LRRC37A2: variants seen among roughly 807,000 people sequenced by gnomAD.
LRRC37A2 encodes leucine-rich repeat-containing protein 37A2.
LRRC37A2 carries 9 observed loss-of-function variants against 68.8 expected under a neutral mutation model. That is an observed-to-expected ratio of 0.13 (90% CI 0.08 to 0.23). The LOEUF is 0.23. LRRC37A2 is among the 10% of genes least tolerant of loss of function. The pLI is 1.00. For synonymous variants in LRRC37A2, 63 were observed against 367.6 expected, an observed-to-expected ratio of 0.17 and a Z score of 9.48; for missense variants, 168 against 950.4, an observed-to-expected ratio of 0.18 and a Z score of 10.82.
the LRRC37A2 span, among the ~76,000 whole-genome samples, chr17:46,840,023 CTTTCTTTCT>C: frequency 1.9e-5 from 2 of 106,682 alleles, no homozygotes; most frequent in Non-Finnish European, 3.7e-5. Context: ...TTCTTTCTTT[CTTTCTTTCT>C]TTTCTTTCTT....
chr17:46,875,084 CT>C, the LRRC37A2 span: 1 of 1,613,438 alleles, frequency 6.2e-7, no homozygotes, highest in Non-Finnish European at 8.5e-7. Context: ...CCCTATGCCC[CT>C]GGGTGCCCGA....
At chr17:46,888,679 G>A in the LRRC37A2 span, among the ~76,000 whole-genome samples, 1 of 152,154 alleles carries the variant, frequency 6.6e-6, no homozygotes, top group African/African-American at 2.4e-5. Context: ...CTGTCTGGTT[G>A]CTCATCTTAT....
the LRRC37A2 span, among the ~76,000 whole-genome samples, chr17:46,960,955 C>A: frequency 1.3e-5 from 2 of 151,632 alleles, no homozygotes; most frequent in Non-Finnish European, 2.9e-5. Flanking sequence ...TAGTGCTCTA[C>A]GTCAAAAAAG....
chr17:46,974,982 A>ATTTTTT, the LRRC37A2 span, among the ~76,000 whole-genome samples: 1 of 69,814 alleles, frequency 1.4e-5, no homozygotes, highest in African/African-American at 5.1e-5. Flanking sequence ...ATGAATTACT[A>ATTTTTT]TTTTCTTTTT....
chr17:46,996,607 A>G, the LRRC37A2 span, among the ~76,000 whole-genome samples: 1 of 152,228 alleles, frequency 6.6e-6, no homozygotes, highest in African/African-American at 2.4e-5. Context: ...TTTGCCACCC[A>G]TGGGCTGCTG....
At chr17:46,500,836 G>A in the LRRC37A2 span, among the ~76,000 whole-genome samples, 11 of 151,032 alleles carry the variant, frequency 7.3e-5, no homozygotes, top group Non-Finnish European at 1.5e-4. Flanking sequence ...ATAGGGAAGT[G>A]TTTCTCAAAG....
At chr17:46,735,956 T>C in the LRRC37A2 span, among the ~76,000 whole-genome samples, 1 of 151,952 alleles carries the variant, frequency 6.6e-6, no homozygotes, top group Non-Finnish European at 1.5e-5. Flanking sequence ...AAAAAAAGAA[T>C]TGCCTTTGGA....
At chr17:47,028,421 T>G in the LRRC37A2 span, 2 of 1,059,412 alleles carry the variant, frequency 1.9e-6, no homozygotes, top group Non-Finnish European at 2.9e-6. Flanking sequence ...ACTCATACAA[T>G]TATTGGGTAG....
the LRRC37A2 span, among the ~76,000 whole-genome samples, chr17:46,744,244 A>T: frequency 1.3e-5 from 2 of 152,236 alleles, no homozygotes; most frequent in Non-Finnish European, 2.9e-5. Flanking sequence ...AAAAGGAGTA[A>T]ATTATTGTTA....
chr17:46,725,408 C>T, the LRRC37A2 span, among the ~76,000 whole-genome samples: 15,979 of 151,982 alleles, frequency 0.11, 2,096 homozygotes, highest in East Asian at 0.6. Context: ...CATAGGAAAA[C>T]GTTTTCACCA....
the LRRC37A2 span, among the ~76,000 whole-genome samples, chr17:46,666,074 A>G: frequency 1.2e-4 from 18 of 150,948 alleles, no homozygotes; most frequent in African/African-American, 4.4e-4. Flanking sequence ...AAGGGCAGTG[A>G]CCGCTTTCCA....
the LRRC37A2 span, among the ~76,000 whole-genome samples, chr17:46,738,037 G>A: frequency 6.6e-6 from 1 of 151,894 alleles, no homozygotes; most frequent in African/African-American, 2.4e-5. Flanking sequence ...GGGCTCAATT[G>A]ATCCTCCCGC....
chr17:46,784,215 T>A, the LRRC37A2 span, among the ~76,000 whole-genome samples: 2 of 152,004 alleles, frequency 1.3e-5, no homozygotes, highest in Non-Finnish European at 2.9e-5. Context: ...AGGAGGAAAG[T>A]ATGGCCAAAG....
the LRRC37A2 span, among the ~76,000 whole-genome samples, chr17:46,854,322 C>T: frequency 5.9e-5 from 9 of 152,218 alleles, no homozygotes; most frequent in African/African-American, 2.2e-4. Flanking sequence ...AGCGCTTCTT[C>T]CTCCGCAGTC....
chr17:46,703,817 C>G, the LRRC37A2 span, among the ~76,000 whole-genome samples: 6 of 146,138 alleles, frequency 4.1e-5, no homozygotes, highest in Non-Finnish European at 9.0e-5. Context: ...ATCTCCAGAC[C>G]TCTTTTCATC....
the LRRC37A2 span, among the ~76,000 whole-genome samples, chr17:47,004,204 A>G: frequency 6.6e-6 from 1 of 152,220 alleles, no homozygotes; most frequent in East Asian, 1.9e-4. Flanking sequence ...CCTTTATAGC[A>G]GCATGATTTA....
chr17:46,499,072 T>C, the LRRC37A2 span, among the ~76,000 whole-genome samples: 2 of 148,236 alleles, frequency 1.3e-5, no homozygotes, highest in African/African-American at 2.6e-5. Flanking sequence ...CCCAGCACTT[T>C]GGGAGGCCTA....
At chr17:46,962,075 T>C in the LRRC37A2 span, among the ~76,000 whole-genome samples, 2 of 152,192 alleles carry the variant, frequency 1.3e-5, no homozygotes, top group Admixed American at 1.3e-4. Context: ...CTCATGCCTG[T>C]AATCTCAGCA....
chr17:46,551,338 G>A (rs565856159), intron 11 of LRRC37A2, among the ~76,000 whole-genome samples: 1 of 150,540 alleles, frequency 6.6e-6, no homozygotes, highest in Admixed American at 6.6e-5. Flanking sequence ...TATTGGAAGA[G>A]TGATTTAATA....
Sources: allele counts gnomAD v4.1 joint callset (sites outside exome capture counted in the v4.1 genomes callset), GRCh38; gene constraint gnomAD v4.1.1; transcripts MANE v1.5; gene names NCBI Gene and HGNC (gene_info 2026-07-23, HGNC 2026-07-21).